The following PTPRD variants were observed in gnomAD, a reference collection of about 807,000 sequenced individuals.
PTPRD encodes protein tyrosine phosphatase receptor type D, also known as receptor-type tyrosine-protein phosphatase delta.
In PTPRD, 34 loss-of-function variants were observed where a neutral mutation model predicts 214.5. The observed-to-expected ratio is 0.16, with a 90% confidence interval of 0.12 to 0.21. PTPRD has a LOEUF of 0.21. Ranked by LOEUF, PTPRD falls within the 10% of genes least tolerant of loss-of-function variation. The pLI, the probability that PTPRD is intolerant of heterozygous loss-of-function variation, is 1.00. For synonymous variants in PTPRD, 1,128 were observed against 845.7 expected (o/e 1.33, Z -5.79); for missense variants, 2,545 against 2,398.7 (o/e 1.06, Z -1.27).
chr9:8,360,578 T>A (rs2078223022), intron 39 of PTPRD, among the ~76,000 whole-genome samples: 1 of 152,206 alleles, frequency 6.6e-6, no homozygotes, highest in Non-Finnish European at 1.5e-5. Flanking sequence ...GATTAAGCTT[T>A]TTGAAGGAGA....
At chr9:8,639,000 G>C (rs1204651504) in intron 12 of PTPRD, among the ~76,000 whole-genome samples, 2 of 152,002 alleles carry the variant, frequency 1.3e-5, no homozygotes, top group Admixed American at 6.6e-5. Flanking sequence ...GTACCACCAC[G>C]CTCAGCTAAT....
At chr9:8,338,248 A>G (rs1334797913) in intron 43 of PTPRD, among the ~76,000 whole-genome samples, 2 of 152,112 alleles carry the variant, frequency 1.3e-5, no homozygotes, top group African/African-American at 4.8e-5. Context: ...ATGGGTTGAA[A>G]GTGGCCAAAG....
At position 10,608,490 on chromosome 9, in the gene PTPRD, C is replaced by T. The variant is rs534924834; in HGVS notation, c.-600+3908G>A. Among the ~76,000 whole-genome samples, 9 of 152,156 alleles carry T rather than the reference C, an allele frequency of 5.9e-5. No individual in the cohort carries two copies. The South Asian group carries it at 8.3e-4, about 14-fold the overall frequency. Reference sequence around the variant, plus strand: ...TGACTTCAGGACAATTTCCTTAGCCCTCTTTCAAACAAGATGGCTGCCCCT... The same window carrying T: ...TGACTTCAGGACAATTTCCTTAGCCTTCTTTCAAACAAGATGGCTGCCCCT... On this transcript the variant is annotated intron_variant, in intron 2 of 45. Transcript: ENST00000381196.
intron 2 of PTPRD, among the ~76,000 whole-genome samples, chr9:10,519,976 C>A (rs181110204): frequency 6.6e-6 from 1 of 151,956 alleles, no homozygotes; most frequent in Non-Finnish European, 1.5e-5. Flanking sequence ...ACCACCTATG[C>A]CCCCAAAACT....
At chr9:8,642,193 C>G (rs1934931691) in intron 12 of PTPRD, among the ~76,000 whole-genome samples, 1 of 152,132 alleles carries the variant, frequency 6.6e-6, no homozygotes, top group Non-Finnish European at 1.5e-5. Context: ...GGATCACATG[C>G]TACAAAAGTG....
chr9:8,635,415 A>G (rs1291155176), intron 13 of PTPRD, among the ~76,000 whole-genome samples: 2 of 151,986 alleles, frequency 1.3e-5, no homozygotes, highest in East Asian at 1.9e-4. Context: ...CATTTTCCAA[A>G]TATTAAAGAT....
intron 2 of PTPRD, among the ~76,000 whole-genome samples, chr9:10,555,894 A>G (rs2062459955): frequency 6.6e-6 from 1 of 152,160 alleles, no homozygotes; most frequent in South Asian, 2.1e-4. Flanking sequence ...TAAAAAGGTC[A>G]TGGTGGGGCA....
At chr9:9,844,818 C>G (rs1400124962) in intron 5 of PTPRD, among the ~76,000 whole-genome samples, 1 of 151,066 alleles carries the variant, frequency 6.6e-6, no homozygotes, top group Non-Finnish European at 1.5e-5. Flanking sequence ...CTGGAATGTT[C>G]AAAATTTAAA....
intron 3 of PTPRD, among the ~76,000 whole-genome samples, chr9:10,066,735 G>A (rs1159685434): frequency 1.3e-5 from 2 of 151,836 alleles, no homozygotes; most frequent in African/African-American, 4.8e-5. Context: ...CACACTCTTT[G>A]ACACTTTCAC....
intron 37 of PTPRD, among the ~76,000 whole-genome samples, chr9:8,388,060 A>G (rs1360485609): frequency 6.6e-6 from 1 of 152,196 alleles, no homozygotes; most frequent in Non-Finnish European, 1.5e-5. Flanking sequence ...AGATGTTTTG[A>G]AAAGATCTAA....
At chr9:8,400,000 A>G (rs991377080) in intron 36 of PTPRD, among the ~76,000 whole-genome samples, 2 of 152,002 alleles carry the variant, frequency 1.3e-5, no homozygotes, top group African/African-American at 4.8e-5. Flanking sequence ...GTAATAGATA[A>G]CCAGATAATC....
chr9:8,759,045 T>A (rs375370591), intron 11 of PTPRD, among the ~76,000 whole-genome samples: 4 of 151,288 alleles, frequency 2.6e-5, no homozygotes, highest in African/African-American at 4.9e-5. Context: ...TTTTTTTTTT[T>A]AGAAAGAGAG....
At position 9,046,953 on chromosome 9, in the gene PTPRD, A is replaced by G. The variant is rs184656067; in HGVS notation, c.-142-28218T>C. Among the ~76,000 whole-genome samples the G allele has an allele frequency of 1.4e-4, 21 of 152,286 alleles. No individual in the cohort carries two copies. The East Asian group carries it at 3.9e-3, about 28-fold the overall frequency. ...CAAGAGAAAGAAATAAAAGGCATCC[A>G]AATTGGAATGGAAAAAGTCAAATAA... On this transcript the variant is annotated intron_variant, in intron 10 of 45. Transcript: ENST00000381196.
chr9:9,637,204 C>G (rs933933338), intron 7 of PTPRD, among the ~76,000 whole-genome samples: 1 of 152,108 alleles, frequency 6.6e-6, no homozygotes, highest in Non-Finnish European at 1.5e-5. Flanking sequence ...TTTTCACACA[C>G]AAAATACCTT....
chr9:9,096,959 G>C (rs1460744965), intron 10 of PTPRD, among the ~76,000 whole-genome samples: 2 of 152,044 alleles, frequency 1.3e-5, no homozygotes, highest in African/African-American at 4.8e-5. Context: ...TACCCCCTAA[G>C]TTTTGTGTTG....
chr9:8,948,129 C>G (rs1468852544), intron 11 of PTPRD, among the ~76,000 whole-genome samples: 4 of 150,630 alleles, frequency 2.7e-5, no homozygotes, highest in African/African-American at 4.9e-5. Context: ...GAGCGATTCT[C>G]CTGCCTCAGT....
intron 11 of PTPRD, among the ~76,000 whole-genome samples, chr9:8,910,129 C>T (rs1016507129): frequency 6.6e-6 from 1 of 152,042 alleles, no homozygotes; most frequent in African/African-American, 2.4e-5. Flanking sequence ...AGCTCTGCCA[C>T]CCAGGTTCAC....
chr9:9,272,077 C>T (rs1470661887), intron 9 of PTPRD, among the ~76,000 whole-genome samples: 1 of 150,902 alleles, frequency 6.6e-6, no homozygotes, highest in Non-Finnish European at 1.5e-5. Flanking sequence ...AGCAATTCCC[C>T]CCACCCCATA....
intron 37 of PTPRD, among the ~76,000 whole-genome samples, chr9:8,380,469 C>T (rs1472392039): frequency 1.3e-5 from 2 of 152,156 alleles, no homozygotes. Flanking sequence ...GAAGCTTAAA[C>T]TGAGACAGTT....
Sources: gnomAD v4.1 joint callset for allele counts (sites outside exome capture counted in the v4.1 genomes callset) on GRCh38, gnomAD v4.1.1 for gene constraint, MANE v1.5 for transcripts, NCBI Gene and HGNC (gene_info 2026-07-23, HGNC 2026-07-21) for gene names.